Variants in FOCAD observed in about 807,000 individuals in gnomAD.
FOCAD encodes focadhesin, also known as KIAA1797.
Under a neutral mutation model 225.6 loss-of-function variants are expected in FOCAD, and 198 were observed. The observed-to-expected ratio is 0.88, with a 90% CI of 0.78 to 0.99. The LOEUF (loss-of-function observed/expected upper bound fraction) is 0.99. FOCAD is among the 50% of genes least tolerant of loss of function. The pLI is 0.00. For synonymous variants in FOCAD, 897 were observed against 755.0 expected (o/e 1.19, Z -3.08); for missense variants, 2,713 against 2,123.6 (o/e 1.28, Z -5.46).
intron 19 of FOCAD, among the ~76,000 whole-genome samples, chr9:20,877,130 CTATAGACCGATGTGAATTT>C (rs55741701): frequency 0.4 from 60,082 of 151,374 alleles, 12,148 homozygotes; most frequent in East Asian, 0.46. Flanking sequence ...CTAACTTAAA[CTATAGACCGATGTGAATTT>C]TATAGGGTTT....
rs1336780679 is a variant in FOCAD, at chr9:20,676,588, G to A, written c.-78+17762G>A. 2.0e-5 allele frequency among the ~76,000 whole-genome samples: 3 copies of A among 152,172 alleles called. No individual in the cohort carries two copies. In the East Asian group the frequency reaches 5.8e-4, roughly 29 times the overall value. On this transcript the variant is annotated intron_variant, in intron 2 of 45. Transcript: ENST00000380249. The stretch of plus-strand genomic sequence containing the variant: ...TGTCAACCTGCTTAATATAGTTCCT[G>A]TGCTGTCAAAGTTTTAAAAAGAAGC...
chr9:20,815,805 A>G (rs1420748715), intron 11 of FOCAD, among the ~76,000 whole-genome samples: 1 of 152,144 alleles, frequency 6.6e-6, no homozygotes, highest in African/African-American at 2.4e-5. Flanking sequence ...TCTGAAGGGT[A>G]TAAGATTCAA....
chr9:20,981,750 G>T, intron 38 of FOCAD, 64 bp downstream of exon 38: 1 of 1,532,746 alleles, frequency 6.5e-7, no homozygotes, highest in South Asian at 1.3e-5. Context: ...AGGCTTCTTG[G>T]CAAAGTGGGG....
At chr9:20,659,456 A>C (rs182309297) in intron 2 of FOCAD, among the ~76,000 whole-genome samples, 167 of 146,486 alleles carry the variant, frequency 1.1e-3, no homozygotes, top group Admixed American at 4.2e-3. Context: ...GACAGACAGA[A>C]AGAAAAAGAG....
chr9:20,929,113 A>C lies in FOCAD; in HGVS notation c.3079-245A>C, dbSNP rs1358087005. The C allele has an allele frequency of 7.2e-6, 3 of 416,666 alleles. No individual in the cohort carries two copies. In the East Asian group the frequency reaches 1.3e-4, roughly 17 times the overall value. 25.8% of individuals were successfully genotyped at this position (416,666 alleles called of 1,614,324 possible). A position where few individuals can be genotyped will look rare whatever the true frequency, so the allele number is the denominator to read the frequency against. On this transcript the variant is annotated intron_variant, in intron 26 of 43. Transcript: ENST00000338382. ...GGAATTTATAACCTTTAAAAGGAAG[A>C]CGCTTGTAATTTGGTTTTTCAGATT...
chr9:20,811,988 A>C (rs1043991957), intron 11 of FOCAD, among the ~76,000 whole-genome samples: 3 of 152,092 alleles, frequency 2.0e-5, no homozygotes, highest in African/African-American at 7.2e-5. Flanking sequence ...ATTCTTTTAA[A>C]AATGGCAAAC....
chr9:20,781,255 A>C (rs1418408606), intron 9 of FOCAD, among the ~76,000 whole-genome samples: 1 of 152,244 alleles, frequency 6.6e-6, no homozygotes, highest in Non-Finnish European at 1.5e-5. Flanking sequence ...GGACTTTCAC[A>C]ATCTGCTTCT....
chr9:20,981,316 A>C, intron 37 of FOCAD, 110 bp from the exon 38 acceptor site: 1 of 1,266,102 alleles, frequency 7.9e-7, no homozygotes, highest in East Asian at 2.3e-5. Context: ...AAGTAACCTG[A>C]ACCTTTTATC....
chr9:20,953,075 C>A lies in FOCAD; in HGVS notation c.4132+10C>A, dbSNP rs373986910. 1.6e-4 allele frequency: 254 copies of A among 1,605,180 alleles called. No homozygotes were observed. The highest frequency in any genetic ancestry group is 9.8e-5 in the Non-Finnish European group (115 of 1,173,466). On this transcript the variant is annotated intron_variant, in intron 35 of 43. Coordinates refer to ENST00000338382, the MANE Select transcript of FOCAD (RefSeq NM_001375567.1). ...ACAGGAGGAAAAAAAGGCAAGTGAG[C>A]ACATTTCTTGAATTTTATCATTCTA...
At chr9:20,692,230 C>G (rs146087574) in intron 1 of FOCAD, among the ~76,000 whole-genome samples, 17 of 152,220 alleles carry the variant, frequency 1.1e-4, no homozygotes, top group African/African-American at 4.1e-4. Flanking sequence ...ATAATCTTTC[C>G]TATTTCAGTT....
chr9:20,818,936 T>A (rs1273258022), intron 11 of FOCAD, among the ~76,000 whole-genome samples: 1 of 152,166 alleles, frequency 6.6e-6, no homozygotes, highest in African/African-American at 2.4e-5. Flanking sequence ...AGATTGCATT[T>A]AATTTCAAGA....
chr9:20,674,704 C>T (rs900288657), intron 2 of FOCAD, among the ~76,000 whole-genome samples: 6 of 152,134 alleles, frequency 3.9e-5, no homozygotes, highest in African/African-American at 1.2e-4. Context: ...GTCTGGAGGA[C>T]GATGATGATT....
intron 18 of FOCAD, among the ~76,000 whole-genome samples, chr9:20,871,926 A>AT (rs1342110507): frequency 4.0e-5 from 6 of 150,384 alleles, no homozygotes; most frequent in Admixed American, 3.3e-4. Flanking sequence ...ATAAAATAAA[A>AT]AAAATTAAAA....
In FOCAD at chr9:20,687,580, A is replaced by G. The variant is rs183527074; in HGVS notation, c.-33+3287A>G. On this transcript the variant is annotated intron_variant, in intron 1 of 43. Coordinates refer to ENST00000338382, the MANE Select transcript of FOCAD (RefSeq NM_001375567.1). Reference sequence around the variant, plus strand: ...ACCAAACCTGATTTTAGTATATGCTATTAGGACATACACGTGGAGAAGAAT... The same window carrying G: ...ACCAAACCTGATTTTAGTATATGCTGTTAGGACATACACGTGGAGAAGAAT... 4.6e-4 allele frequency among the ~76,000 whole-genome samples: 70 copies of G among 152,314 alleles called. 1 individual carries two copies. The highest frequency in any genetic ancestry group is 3.7e-3 in the South Asian group (18 of 4,830).
At chr9:20,707,870 G>C (rs1011254037) in intron 1 of FOCAD, among the ~76,000 whole-genome samples, 1 of 152,188 alleles carries the variant, frequency 6.6e-6, no homozygotes, top group Non-Finnish European at 1.5e-5. Context: ...CAAGAGCTGA[G>C]GCTAAGTGTG....
intron 15 of FOCAD, 33 bp from the exon 16 acceptor site, chr9:20,862,545 G>T: frequency 6.2e-7 from 1 of 1,606,540 alleles, no homozygotes; most frequent in Non-Finnish European, 8.5e-7. Context: ...TTGGAGTCTT[G>T]TTAGGTGTTG....
At chr9:20,923,026 A>T (rs1230693114) in intron 24 of FOCAD, among the ~76,000 whole-genome samples, 1 of 152,264 alleles carries the variant, frequency 6.6e-6, no homozygotes, top group African/African-American at 2.4e-5. Context: ...GGCAACTTTC[A>T]GTCCAAATAG....
At chr9:20,705,678 A>G (rs1430753559) in intron 1 of FOCAD, among the ~76,000 whole-genome samples, 1 of 151,908 alleles carries the variant, frequency 6.6e-6, no homozygotes, top group Non-Finnish European at 1.5e-5. Context: ...TGGGCAATAT[A>G]TGTAATTGTT....
At chr9:20,894,482 G>T (rs546472589) in intron 21 of FOCAD, among the ~76,000 whole-genome samples, 1 of 152,048 alleles carries the variant, frequency 6.6e-6, no homozygotes, top group African/African-American at 2.4e-5. Context: ...ATACCATTTC[G>T]CATCTCCTTC....
Sources: allele counts gnomAD v4.1 joint callset (sites outside exome capture counted in the v4.1 genomes callset), GRCh38; gene constraint gnomAD v4.1.1; transcripts MANE v1.5; gene names NCBI Gene and HGNC (gene_info 2026-07-23, HGNC 2026-07-21).